Variants in GRM8 observed in about 807,000 individuals in gnomAD.
GRM8 encodes the protein glutamate metabotropic receptor 8, also known as metabotropic glutamate receptor 8.
A neutral mutation model predicts 87.2 loss-of-function variants in GRM8; 47 were observed. The ratio of observed to expected loss-of-function variants is 0.54; its 90% confidence interval spans 0.43 to 0.69. The LOEUF (loss-of-function observed/expected upper bound fraction) is 0.69. GRM8 is among the 30% of genes least tolerant of loss of function. The pLI is 0.00. For missense variants in GRM8, 1,019 were observed against 1,139.2 expected (o/e 0.89, Z 1.52); for synonymous variants, 396 against 404.5 (o/e 0.98, Z 0.25).
Position 126,829,164 on chromosome 7 carries a change from A to C in GRM8, c.1157-59099T>G, listed in dbSNP as rs1216094375. Among the ~76,000 whole-genome samples the C allele has an allele frequency of 4.0e-5, 6 of 150,270 alleles. No individual in the cohort carries two copies. The East Asian group carries it at 1.2e-3, about 29-fold the overall frequency. ...GAATAGGTGTGGTGTGATGCTGAAA[A>C]AAATGTATATTCTGTTGATTTGGGG... On this transcript the variant is annotated intron_variant, in intron 6 of 10. Coordinates refer to ENST00000339582, the MANE Select transcript of GRM8 (RefSeq NM_000845.3).
chr7:126,762,040 T>G (rs1390319242), intron 7 of GRM8, among the ~76,000 whole-genome samples: 1 of 152,202 alleles, frequency 6.6e-6, no homozygotes, highest in Admixed American at 6.5e-5. Flanking sequence ...CCTCCACTGT[T>G]AAGCTATGAA....
chr7:126,451,905 T>C (rs1394911886), intron 9 of GRM8, among the ~76,000 whole-genome samples: 1 of 151,786 alleles, frequency 6.6e-6, no homozygotes, highest in African/African-American at 2.4e-5. Context: ...CACTCCTTAG[T>C]ATCTAACACA....
chr7:126,990,627 C>T (rs1360290850), intron 3 of GRM8, among the ~76,000 whole-genome samples: 3 of 152,202 alleles, frequency 2.0e-5, no homozygotes, highest in Non-Finnish European at 2.9e-5. Context: ...CTACTTAAGA[C>T]AGCCATGGTT....
intron 3 of GRM8, among the ~76,000 whole-genome samples, chr7:127,003,626 T>C (rs1813962145): frequency 6.6e-6 from 1 of 151,798 alleles, no homozygotes; most frequent in Non-Finnish European, 1.5e-5. Flanking sequence ...GAACAGATAC[T>C]AAACTACAGA....
chr7:126,909,933 C>T lies in GRM8; in HGVS notation c.728-5250G>A, dbSNP rs539306225. On this transcript the variant is annotated intron_variant, in intron 3 of 10. Coordinates refer to ENST00000339582, the MANE Select transcript of GRM8 (RefSeq NM_000845.3). Reference sequence around the variant, plus strand: ...CATCATCTTACCCATCCACAATTGACTATACCTGTGGCTTAATGGTTTAGT... The same window carrying T: ...CATCATCTTACCCATCCACAATTGATTATACCTGTGGCTTAATGGTTTAGT... Among the ~76,000 whole-genome samples the T allele has an allele frequency of 5.9e-4, 90 of 152,230 alleles. 1 individual carries two copies. In the Middle Eastern group the frequency reaches 0.01, roughly 17 times the overall value.
intron 9 of GRM8, among the ~76,000 whole-genome samples, chr7:126,506,740 G>A (rs1182209114): frequency 6.6e-6 from 1 of 151,438 alleles, no homozygotes; most frequent in Non-Finnish European, 1.5e-5. Context: ...GATCACACCA[G>A]TGCACTCTAG....
chr7:126,536,976 T>C (rs922394994), intron 8 of GRM8, among the ~76,000 whole-genome samples: 1 of 152,110 alleles, frequency 6.6e-6, no homozygotes, highest in Admixed American at 6.5e-5. Context: ...CAGAACAACA[T>C]AAGATGTGTT....
At chr7:126,726,851 C>G (rs1275072955) in intron 7 of GRM8, among the ~76,000 whole-genome samples, 2 of 151,840 alleles carry the variant, frequency 1.3e-5, no homozygotes, top group Non-Finnish European at 2.9e-5. Flanking sequence ...GATAGGCCAC[C>G]CAAGATTTGC....
chr7:126,869,346 C>T (rs1798883098), intron 6 of GRM8: 5 of 152,154 alleles, frequency 3.3e-5, no homozygotes, highest in Admixed American at 3.3e-4. Context: ...TGCCCTCCTC[C>T]CATGATATAT....
At chr7:126,701,189 G>A (rs1341820368) in intron 7 of GRM8, among the ~76,000 whole-genome samples, 1 of 152,082 alleles carries the variant, frequency 6.6e-6, no homozygotes, top group Non-Finnish European at 1.5e-5. Context: ...TTGGAATCAG[G>A]TTAGTCACAG....
At chr7:126,478,308 T>C (rs927371209) in intron 9 of GRM8, among the ~76,000 whole-genome samples, 3 of 152,156 alleles carry the variant, frequency 2.0e-5, no homozygotes, top group African/African-American at 7.2e-5. Flanking sequence ...ATTTTAAGTA[T>C]GTATGCATAT....
chr7:127,046,413 T>C (rs370608403), intron 3 of GRM8, among the ~76,000 whole-genome samples: 6 of 152,266 alleles, frequency 3.9e-5, no homozygotes, highest in East Asian at 3.9e-4. Flanking sequence ...TCATTTTTTC[T>C]GTTACATTTT....
At chr7:126,853,734 G>C (rs575750124) in intron 6 of GRM8, among the ~76,000 whole-genome samples, 2 of 152,230 alleles carry the variant, frequency 1.3e-5, no homozygotes, top group Admixed American at 6.5e-5. Context: ...CTCAGGAATG[G>C]GCAGGACCCA....
intron 9 of GRM8, among the ~76,000 whole-genome samples, chr7:126,470,646 AAC>A (rs751978868): frequency 1.3e-5 from 2 of 152,132 alleles, no homozygotes; most frequent in Non-Finnish European, 2.9e-5. Context: ...TGCTGCAATA[AAC>A]ACACGTGTGC....
chr7:126,900,064 T>C (rs1331992632), intron 6 of GRM8, among the ~76,000 whole-genome samples: 1 of 152,082 alleles, frequency 6.6e-6, no homozygotes, highest in Non-Finnish European at 1.5e-5. Flanking sequence ...GCCCTTGAAT[T>C]CTCAGTCATC....
chr7:126,626,696 T>C (rs1585273443), intron 7 of GRM8, among the ~76,000 whole-genome samples: 1 of 152,156 alleles, frequency 6.6e-6, no homozygotes, highest in Non-Finnish European at 1.5e-5. Flanking sequence ...TGTTCTACCT[T>C]CTCTTTGCTT....
chr7:126,677,891 C>T (rs774175123), intron 7 of GRM8, among the ~76,000 whole-genome samples: 1 of 152,174 alleles, frequency 6.6e-6, no homozygotes, highest in African/African-American at 2.4e-5. Flanking sequence ...CTCCCACAGT[C>T]GTGTAAGGTC....
At chr7:127,019,679 T>C (rs986951769) in intron 3 of GRM8, among the ~76,000 whole-genome samples, 2 of 152,076 alleles carry the variant, frequency 1.3e-5, no homozygotes, top group South Asian at 2.1e-4. Flanking sequence ...ACATTGTCCA[T>C]TGCCGCACAA....
At chr7:127,088,395 G>A (rs1263322790) in intron 3 of GRM8, among the ~76,000 whole-genome samples, 2 of 152,228 alleles carry the variant, frequency 1.3e-5, no homozygotes, top group African/African-American at 4.8e-5. Flanking sequence ...CCTTTACAAA[G>A]CTGGGGAGAA....
Sources: gnomAD v4.1 joint callset for allele counts (sites outside exome capture counted in the v4.1 genomes callset) on GRCh38, gnomAD v4.1.1 for gene constraint, MANE v1.5 for transcripts, NCBI Gene and HGNC (gene_info 2026-07-23, HGNC 2026-07-21) for gene names.